Variants in PCDH15 observed in about 807,000 individuals in gnomAD.
PCDH15 encodes the protein protocadherin related 15.
PCDH15 carries 129 observed loss-of-function variants against 178.5 expected under a neutral mutation model. The observed-to-expected ratio is 0.72, with a 90% CI of 0.63 to 0.84. The LOEUF is 0.84. PCDH15 is among the 40% of genes least tolerant of loss of function. The pLI is 0.00. For missense variants in PCDH15, 2,230 were observed against 2,099.9 expected (o/e 1.06, Z -1.21); for synonymous variants, 800 against 732.0 (o/e 1.09, Z -1.50).
intron 2 of PCDH15, among the ~76,000 whole-genome samples, chr10:55,128,570 A>C (rs1161868463): frequency 1.3e-5 from 2 of 151,926 alleles, no homozygotes; most frequent in African/African-American, 4.8e-5. Flanking sequence ...ATTTCTATCA[A>C]TTGTTACCGC....
intron 1 of PCDH15, among the ~76,000 whole-genome samples, chr10:54,714,278 A>T (rs1008163248): frequency 1.3e-5 from 2 of 152,146 alleles, no homozygotes. Context: ...CAGCTCCACC[A>T]GTCGCAACTA....
At chr10:53,852,754 CA>C (rs759941634) in intron 28 of PCDH15, among the ~76,000 whole-genome samples, 6,123 of 143,420 alleles carry the variant, frequency 0.043, 360 homozygotes, top group African/African-American at 0.14. Context: ...ATTGGTCTAC[CA>C]AAAAAAAAAA....
At chr10:54,260,063 A>T (rs959957668) in intron 8 of PCDH15, among the ~76,000 whole-genome samples, 1 of 152,178 alleles carries the variant, frequency 6.6e-6, no homozygotes, top group Admixed American at 6.5e-5. Context: ...ACTTTGATTC[A>T]TTTTGAGAAA....
chr10:54,141,388 A>T (rs2133181421), intron 14 of PCDH15, among the ~76,000 whole-genome samples: 1 of 152,226 alleles, frequency 6.6e-6, no homozygotes, highest in Admixed American at 6.5e-5. Flanking sequence ...TATTTTTATG[A>T]GTTCTAAACA....
chr10:55,442,457 A>ATATAT (rs2132070359), intron 2 of PCDH15, among the ~76,000 whole-genome samples: 1 of 67,574 alleles, frequency 1.5e-5, no homozygotes, highest in East Asian at 1.1e-3. Flanking sequence ...TAATTTGATT[A>ATATAT]TATATATATA....
intron 21 of PCDH15, among the ~76,000 whole-genome samples, chr10:53,970,800 G>A (rs917948449): frequency 5.9e-5 from 9 of 151,926 alleles, no homozygotes; most frequent in African/African-American, 1.9e-4. Context: ...ATAATTAATA[G>A]CCTACCAACC....
chr10:55,577,918 G>A (rs1052906775), intron 2 of PCDH15, among the ~76,000 whole-genome samples: 1 of 151,998 alleles, frequency 6.6e-6, no homozygotes, highest in South Asian at 2.1e-4. Flanking sequence ...CTTTTAAAAC[G>A]TCCATCTTTT....
At chr10:55,218,993 C>T (rs1273478933) in intron 1 of PCDH15, among the ~76,000 whole-genome samples, 2 of 151,988 alleles carry the variant, frequency 1.3e-5, no homozygotes, top group Non-Finnish European at 2.9e-5. Flanking sequence ...GAATATCATT[C>T]ACAGGAAAAT....
chr10:53,964,054 C>G (rs1393021072), intron 21 of PCDH15, among the ~76,000 whole-genome samples: 1 of 152,166 alleles, frequency 6.6e-6, no homozygotes, highest in Non-Finnish European at 1.5e-5. Context: ...TTCCTGCCTC[C>G]TTGGCTTTGC....
intron 1 of PCDH15, among the ~76,000 whole-genome samples, chr10:55,226,709 G>T (rs1841055809): frequency 1.3e-5 from 2 of 151,976 alleles, no homozygotes; most frequent in African/African-American, 4.8e-5. Flanking sequence ...AAGGTTACTT[G>T]TAGAAAATAA....
Position 55,170,173 on chromosome 10 carries a change from TCTCA to T in PCDH15, c.-155-3526_-155-3523del, listed in dbSNP as rs375839146. Among the ~76,000 whole-genome samples the T allele has an allele frequency of 3.2e-3, 486 of 152,190 alleles. 1 individual carries two copies. Among genetic ancestry groups the T allele is most frequent in the South Asian group, 0.02 (98 of 4,826 alleles). On this transcript the variant is annotated intron_variant, in intron 1 of 5. Transcript: ENST00000458638. ...ATTTGTTTTGCTTTTTGGTACAGTG[TCTCA>T]CTCACTCTGTGACCCAGGCTGAAGT... is the stretch of plus-strand genomic sequence containing the variant.
chr10:55,360,995 C>T (rs72805810), intron 2 of PCDH15, among the ~76,000 whole-genome samples: 9,198 of 151,970 alleles, frequency 0.061, 402 homozygotes, highest in Admixed American at 0.09. Context: ...GAGAATACTA[C>T]ATAGCAACAC....
intron 2 of PCDH15, among the ~76,000 whole-genome samples, chr10:54,636,645 G>T (rs927865798): frequency 1.3e-5 from 2 of 151,850 alleles, no homozygotes; most frequent in African/African-American, 4.8e-5. Context: ...CAGAAAGAAG[G>T]GGAAAGAGCA....
At position 53,807,114 on chromosome 10, in the gene PCDH15, A is replaced by ATTC. The variant is rs1554814982; in HGVS notation, c.4685_4687dup (p.Arg1562dup). ...CTCTCGATCAACAACTAACTTGATC[A>ATTC]TTCTTTTTCTTGCCCACTGATAAAA... On this transcript the variant is annotated inframe_insertion, in exon 38 of 38. Transcript: ENST00000644397. 1.3e-6 allele frequency: 2 copies of ATTC among 1,596,336 alleles called. No homozygotes were observed. Among genetic ancestry groups the ATTC allele is most frequent in the African/African-American group, 2.7e-5 (2 of 74,128 alleles).
At chr10:54,091,513 G>T (rs566771790) in intron 15 of PCDH15, among the ~76,000 whole-genome samples, 1 of 152,292 alleles carries the variant, frequency 6.6e-6, no homozygotes, top group African/African-American at 2.4e-5. Context: ...CCTGCTCACA[G>T]AACGTCCTTA....
At chr10:55,063,365 T>A (rs1841485851) in intron 2 of PCDH15, among the ~76,000 whole-genome samples, 2 of 152,108 alleles carry the variant, frequency 1.3e-5, no homozygotes, top group African/African-American at 2.4e-5. Flanking sequence ...TCTCTCTATT[T>A]TTTCCTCTCA....
chr10:54,307,975 A>T (rs143873130), intron 8 of PCDH15, among the ~76,000 whole-genome samples: 1 of 152,088 alleles, frequency 6.6e-6, no homozygotes, highest in Admixed American at 6.6e-5. Context: ...CTAGTTAAGC[A>T]TGCTTCATAA....
chr10:55,374,543 C>T (rs1447879152), intron 2 of PCDH15, among the ~76,000 whole-genome samples: 1 of 151,902 alleles, frequency 6.6e-6, no homozygotes, highest in Non-Finnish European at 1.5e-5. Context: ...GAATAGCTTC[C>T]CATGACATAC....
At chr10:55,506,534 C>T (rs963179478) in intron 2 of PCDH15, among the ~76,000 whole-genome samples, 2 of 151,444 alleles carry the variant, frequency 1.3e-5, no homozygotes, top group Admixed American at 1.3e-4. Context: ...AAAGGGTTCA[C>T]AACTGAACCA....
Sources: allele counts gnomAD v4.1 joint callset (sites outside exome capture counted in the v4.1 genomes callset), GRCh38; gene constraint gnomAD v4.1.1; transcripts MANE v1.5; gene names NCBI Gene and HGNC (gene_info 2026-07-23, HGNC 2026-07-21).